The following KIF21B variants were observed in gnomAD, a reference collection of about 807,000 sequenced individuals.
KIF21B encodes kinesin-like protein KIF21B.
Under a neutral mutation model 192.9 loss-of-function variants are expected in KIF21B, and 85 were observed. The ratio of observed to expected loss-of-function variants is 0.44; its 90% CI spans 0.37 to 0.53. KIF21B has a LOEUF of 0.53. Ranked by LOEUF, KIF21B falls within the 20% of genes least tolerant of loss-of-function variation. KIF21B has a pLI of 0.00. For missense variants in KIF21B, 1,716 were observed against 2,194.8 expected, an observed-to-expected ratio of 0.78 and a Z score of 4.36; for synonymous variants, 832 against 884.6, an observed-to-expected ratio of 0.94 and a Z score of 1.05.
rs1168371806 is a variant in KIF21B at position 200,982,583 on chromosome 1, T to C, written c.3842+473A>G. 6.6e-6 allele frequency among the ~76,000 whole-genome samples: 1 copy of C among 152,036 alleles called. No homozygotes were observed. Among genetic ancestry groups the C allele is most frequent in the Non-Finnish European group, 1.5e-5 (1 of 67,978 alleles). ...TGCCCCCATGGTGCCCCTCCCCCCA[T>C]GGTGCCCCTCCCAGAGCCAACGTCT... On this transcript the variant is annotated intron_variant, in intron 28 of 34. Coordinates refer to ENST00000461742, the MANE Select transcript of KIF21B (RefSeq NM_001252102.2). The surrounding 1 kb of genome is among the most constrained non-coding windows in gnomAD (Gnocchi z 4.7).
At chr1:201,004,686 G>A (rs1657699855) in intron 6 of KIF21B, 80 bp downstream of exon 6, 2 of 1,536,112 alleles carry the variant, frequency 1.3e-6, no homozygotes. Context: ...GGACTCAGCA[G>A]GTGTAGGACT....
intron 22 of KIF21B, 42 bp from the exon 23 acceptor site, chr1:200,988,586 T>G: frequency 6.6e-7 from 1 of 1,519,714 alleles, no homozygotes; most frequent in Non-Finnish European, 8.9e-7. Flanking sequence ...TGAGAAGCCC[T>G]GTCCAAGTGT....
chr1:201,005,558 T>A lies in KIF21B; in HGVS notation c.584A>T (p.His195Leu). ...YTTGVTSRLI[H>L]SQEELIQCLK... is the part of the protein sequence containing the mutation. ...GCAGAGGCTCACCTCCTCCTGGGAG[T>A]GGATGAGGCGAGAAGTGACGCCAGT... The change falls in exon 4 of 35, where the codon CAC becomes CTC. Residue 195 changes from histidine (H) to leucine (L), a missense_variant. His to Leu is a moderately conservative substitution (Grantham distance 99, BLOSUM62 -3). This residue lies in a region of KIF21B where 1,087 missense variants were observed against 1,316.6 expected (regional missense o/e 0.83). Transcript: ENST00000461742. 1 of 1,612,970 alleles carries A rather than the reference T, an allele frequency of 6.2e-7. No homozygotes were observed. The highest frequency in any genetic ancestry group is 8.5e-7 in the Non-Finnish European group (1 of 1,179,320).
At chr1:201,004,603 T>C (rs762120625) in intron 6 of KIF21B, 148 bp from the exon 7 acceptor site, 1 of 1,130,956 alleles carries the variant, frequency 8.8e-7, no homozygotes, top group Non-Finnish European at 1.3e-6. Context: ...CATGGATAAG[T>C]TGGTGAAATG....
At chr1:200,989,006 C>CAAGGTGT in intron 21 of KIF21B, 75 bp from the exon 22 acceptor site, 1 of 1,422,384 alleles carries the variant, frequency 7.0e-7, no homozygotes, top group Non-Finnish European at 9.4e-7. Flanking sequence ...AACCTGCACC[C>CAAGGTGT]CTCAAGACAC....
In KIF21B at chr1:201,005,678, A is replaced by T. The variant is rs1657774923; in HGVS notation, c.464T>A (p.Ile155Asn). Residue 155 changes from isoleucine to asparagine, a missense_variant, in exon 4 of 35, where the codon ATC (isoleucine) becomes AAC (asparagine). This residue lies in a region of KIF21B where 1,087 missense variants were observed against 1,316.6 expected (regional missense o/e 0.83). Transcript: ENST00000461742. Reference sequence around the variant, plus strand: ...ACGGGTGCTGTCAAACAGGTCAAGGATCTCCTCGTTGTAGAGCTGTGCAGG... The same window carrying T: ...ACGGGTGCTGTCAAACAGGTCAAGGTTCTCCTCGTTGTAGAGCTGTGCAGG... The part of the protein sequence containing the change: ...AQFLELYNEE[I>N]LDLFDSTRDP... 6.2e-7 allele frequency: 1 copy of T among 1,613,908 alleles called. No individual in the cohort carries two copies. Among genetic ancestry groups the T allele is most frequent in the African/African-American group, 1.3e-5 (1 of 74,902 alleles).
rs1302664638 is a variant in KIF21B, at chr1:200,990,291, C to A, written c.2877G>T (p.Arg959Ser). 1 of 1,613,458 alleles carries A rather than the reference C, an allele frequency of 6.2e-7. No homozygotes were observed. The highest frequency in any genetic ancestry group is 1.7e-5 in the Admixed American group (1 of 59,978). Reference sequence around the variant, plus strand: ...TCTCAGCCTGCAGCCGCTCCCGCTTCCTCCGCAGTGCCTCCTGCAGGAGGA... The same window carrying A: ...TCTCAGCCTGCAGCCGCTCCCGCTTACTCCGCAGTGCCTCCTGCAGGAGGA... The part of the protein sequence containing the change: ...ELFLLQEALR[R>S]KRERLQAESP... Residue 959 changes from arginine (R) to serine (S), a missense_variant, in exon 20 of 35, where the codon AGG becomes AGT. Around this residue, in one of 3 missense-constraint regions of KIF21B, gnomAD observed 1,087 missense variants for 1,316.6 expected, o/e 0.83. Transcript: ENST00000461742. This position sits in a 1 kb window ranked among gnomAD's most constrained non-coding sequence, Gnocchi z 5.4.
chr1:200,987,382 A>G (rs905161242), intron 24 of KIF21B, among the ~76,000 whole-genome samples, 181 bp from the exon 25 acceptor site: 2 of 150,286 alleles, frequency 1.3e-5, no homozygotes, highest in African/African-American at 5.0e-5. Flanking sequence ...CTGAGACTAC[A>G]GGCACGTGCC....
In KIF21B at chr1:201,002,364, C is replaced by T. The variant is rs370609147; in HGVS notation, c.1213-14G>A. 9.0e-5 allele frequency: 145 copies of T among 1,606,436 alleles called. No homozygotes were observed. The African/African-American group carries it at 1.8e-3, about 20-fold the overall frequency. On this transcript the variant is annotated splice_polypyrimidine_tract_variant and intron_variant, in intron 8 of 34. Transcript: ENST00000461742. ...CACTCGCTTGCCCTGGGAGCAGGGG[C>T]AAAGGGGAGCAGTCAGGCAGCAGAG...
At chr1:200,973,658 G>A in intron 34 of KIF21B, 80 bp from the exon 35 acceptor site, 1 of 1,512,404 alleles carries the variant, frequency 6.6e-7, no homozygotes. Flanking sequence ...AGTAGAGGAT[G>A]AACTGGATTC....
At chr1:200,973,650 T>C (rs936932018) in intron 34 of KIF21B, 72 bp from the exon 35 acceptor site, 15 of 1,514,372 alleles carry the variant, frequency 9.9e-6, no homozygotes, top group Non-Finnish European at 1.1e-5. Context: ...CCCCCAAAAG[T>C]AGAGGATGAA....
chr1:200,990,337 G>A lies in KIF21B; in HGVS notation c.2836-5C>T. On this transcript the variant is annotated splice_polypyrimidine_tract_variant and splice_region_variant and intron_variant, in intron 19 of 34. Transcript: ENST00000461742. The surrounding 1 kb of genome is among the most constrained non-coding windows in gnomAD (Gnocchi z 5.4). ...GAGGAACAGCTCCTCCCTTTTCTGG[G>A]GTCAGAGGGGAGGGTGGTGATTGTG... The A allele has an allele frequency of 6.2e-7, 1 of 1,601,302 alleles. No individual in the cohort carries two copies. Among genetic ancestry groups the A allele is most frequent in the East Asian group, 2.3e-5 (1 of 44,440 alleles).
Position 200,990,222 on chromosome 1 carries a change from G to A in KIF21B, c.2946C>T (p.Ile982=), listed in dbSNP as rs140659113. The change falls in exon 20 of 35, where the codon ATC becomes ATT. Residue 982 remains isoleucine (I), a synonymous_variant. Transcript: ENST00000461742. The surrounding 1 kb of genome is among the most constrained non-coding windows in gnomAD (Gnocchi z 5.4). The part of the protein sequence containing the change: ...EKGLQELAEE[I]EVLAANIDYI... The stretch of plus-strand genomic sequence containing the variant: ...AGTCAATGTTGGCTGCCAGCACCTC[G>A]ATCTCCTCAGCCAGCTCCTGCAGCC... The A allele has an allele frequency of 2.4e-5, 39 of 1,613,994 alleles. No homozygotes were observed. Among genetic ancestry groups the A allele is most frequent in the Admixed American group, 5.0e-5 (3 of 60,008 alleles).
chr1:201,007,305 G>C (rs1223875356), intron 3 of KIF21B, among the ~76,000 whole-genome samples: 2 of 67,688 alleles, frequency 3.0e-5, no homozygotes, highest in African/African-American at 6.6e-5. Flanking sequence ...GAGATACACA[G>C]ACACGGACAC....
chr1:200,982,981 G>T lies in KIF21B; in HGVS notation c.3842+75C>A. 1.5e-6 allele frequency: 2 copies of T among 1,357,896 alleles called. No individual in the cohort carries two copies. The highest frequency in any genetic ancestry group is 2.0e-6 in the Non-Finnish European group (2 of 985,036). 84.1% of individuals were successfully genotyped at this position (1,357,896 alleles called of 1,614,324 possible). A position where few individuals can be genotyped will look rare whatever the true frequency, so the allele number is the denominator to read the frequency against. Reference sequence around the variant, plus strand: ...GACACGGGTGTCAGGCGGGAGGGATGCAGCAAGAGACAGAGAAGAGAGGGT... The same window carrying T: ...GACACGGGTGTCAGGCGGGAGGGATTCAGCAAGAGACAGAGAAGAGAGGGT... On this transcript the variant is annotated intron_variant, in intron 28 of 34. Transcript: ENST00000461742. The surrounding 1 kb of genome is among the most constrained non-coding windows in gnomAD (Gnocchi z 4.7).
chr1:200,980,975 AT>A lies in KIF21B; in HGVS notation c.3963del (p.Phe1322SerfsTer23), dbSNP rs778820559. 1.2e-6 allele frequency: 2 copies of A among 1,611,694 alleles called. No homozygotes were observed. Among genetic ancestry groups the A allele is most frequent in the African/African-American group, 2.7e-5 (2 of 74,810 alleles). On this transcript the variant is annotated frameshift_variant, in exon 29 of 35. Transcript: ENST00000461742. LOFTEE classifies it high-confidence loss of function. ...TTCCACATACCTTTGGACCCTGTGAATAGCAACTCATCTGTGGCATCCAGGC... is the reference window on the plus strand; with the variant it reads ...TTCCACATACCTTTGGACCCTGTGAAAGCAACTCATCTGTGGCATCCAGGC... Reference protein sequence around the residue: ...ILCLDATDELLFTGSKDRSCK... With the variant: ...ILCLDATDELXFTGSKDRSCK...
chr1:201,011,421 C>T (rs1466552872), intron 1 of KIF21B, among the ~76,000 whole-genome samples: 1 of 152,236 alleles, frequency 6.6e-6, no homozygotes, highest in Non-Finnish European at 1.5e-5. Context: ...AGTCACAGGT[C>T]ACAGACAGTC....
In KIF21B at chr1:200,987,064, A is replaced by G; in HGVS notation, c.3546T>C (p.Ser1182=). 6.2e-7 allele frequency: 1 copy of G among 1,614,076 alleles called. No homozygotes were observed. Among genetic ancestry groups the G allele is most frequent in the Non-Finnish European group, 8.5e-7 (1 of 1,180,014 alleles). ...TGTCCCGGTAATAGGGGTCTCGGAC[A>G]GAGAAGCCCACTCCGTCCTCTTTGA... ...VEIKEDGVGF[S]VRDPYYRDRV... The change falls in exon 25 of 35, where the codon TCT becomes TCC. Residue 1182 remains serine, a synonymous_variant. Coordinates refer to ENST00000461742, the MANE Select transcript of KIF21B (RefSeq NM_001252102.2).
intron 16 of KIF21B, among the ~76,000 whole-genome samples, chr1:200,991,932 T>C (rs985560194): frequency 6.6e-6 from 1 of 152,274 alleles, no homozygotes; most frequent in Non-Finnish European, 1.5e-5. Context: ...GGCAATTTCC[T>C]TAGCCTCTTC....
Sources: allele counts gnomAD v4.1 joint callset (sites outside exome capture counted in the v4.1 genomes callset), GRCh38; gene constraint gnomAD v4.1.1; regional missense constraint gnomAD v4.1.1; non-coding constraint Gnocchi (gnomAD v3.1); transcripts MANE v1.5; gene names NCBI Gene and HGNC (gene_info 2026-07-23, HGNC 2026-07-21).